SUPT3H: variants seen among roughly 807,000 people sequenced by gnomAD.
The protein encoded by SUPT3H is SPT3 homolog, SAGA and STAGA complex component, also known as transcription initiation protein SPT3 homolog.
In SUPT3H, 44 loss-of-function variants were observed where a neutral mutation model predicts 44.3. The ratio of observed to expected loss-of-function variants is 0.99; its 90% confidence interval spans 0.78 to 1.28. The LOEUF (loss-of-function observed/expected upper bound fraction) is 1.28, where lower values mean the gene tolerates loss of function less well. SUPT3H is among the 50% of genes most tolerant of loss of function. The probability of loss-of-function intolerance (pLI) is 0.00; values close to 1 mark genes in which losing one functional copy is unlikely to be tolerated. For synonymous variants in SUPT3H, 124 were observed against 125.6 expected (o/e 0.99, Z 0.09); for missense variants, 380 against 387.1 (o/e 0.98, Z 0.15).
At chr6:45,348,513 A>AAAAAAAAAAAAG (rs1491561914) in intron 2 of SUPT3H, among the ~76,000 whole-genome samples, 1 of 42,660 alleles carries the variant, frequency 2.3e-5, no homozygotes, top group East Asian at 3.2e-4. Flanking sequence ...CTAAAAATAC[A>AAAAAAAAAAAAG]AAAAAAAAAA....
intron 2 of SUPT3H, among the ~76,000 whole-genome samples, chr6:45,340,117 C>T (rs1789446538): frequency 6.6e-6 from 1 of 152,064 alleles, no homozygotes; most frequent in Non-Finnish European, 1.5e-5. Flanking sequence ...CTTCCTAGTC[C>T]TCAATCAATT....
At chr6:45,353,770 T>C (rs1750385665) in intron 2 of SUPT3H, among the ~76,000 whole-genome samples, 1 of 151,660 alleles carries the variant, frequency 6.6e-6, no homozygotes, top group Non-Finnish European at 1.5e-5. Flanking sequence ...ATATGAGCAA[T>C]GAAAACTCAT....
At chr6:45,323,035 T>A (rs1297329711) in intron 2 of SUPT3H, 2 of 913,120 alleles carry the variant, frequency 2.2e-6, no homozygotes, top group African/African-American at 3.4e-5. Context: ...AGACATACGA[T>A]GATATTCATG....
At chr6:45,354,624 CACACAT>C (rs1352080794) in intron 2 of SUPT3H, among the ~76,000 whole-genome samples, 1 of 94,990 alleles carries the variant, frequency 1.1e-5, no homozygotes, top group Admixed American at 1.1e-4. Context: ...CAAATGCACG[CACACAT>C]ACACACACAC....
chr6:44,972,204 A>G (rs1212928263), intron 6 of SUPT3H, among the ~76,000 whole-genome samples: 2 of 152,172 alleles, frequency 1.3e-5, no homozygotes, highest in Admixed American at 6.5e-5. Context: ...TACTTCCTAG[A>G]TACAATGGTG....
At chr6:45,025,621 C>T (rs186827638) in intron 3 of SUPT3H, among the ~76,000 whole-genome samples, 307 of 152,282 alleles carry the variant, frequency 2.0e-3, no homozygotes, top group African/African-American at 6.6e-3. Context: ...CGGTGGCTCA[C>T]GCCTGTAATC....
intron 2 of SUPT3H, among the ~76,000 whole-genome samples, chr6:45,198,393 T>C (rs1816439698): frequency 6.6e-6 from 1 of 151,372 alleles, no homozygotes; most frequent in Admixed American, 6.6e-5. Context: ...TGGTGGCTTA[T>C]GGAACACACA....
chr6:45,205,165 T>C (rs1249160107), intron 2 of SUPT3H, among the ~76,000 whole-genome samples: 1 of 152,210 alleles, frequency 6.6e-6, no homozygotes, highest in Non-Finnish European at 1.5e-5. Flanking sequence ...CTATTAGATT[T>C]CCTTCTCCTT....
intron 11 of SUPT3H, among the ~76,000 whole-genome samples, chr6:44,818,433 T>A (rs1036106765): frequency 2.0e-5 from 3 of 152,200 alleles, no homozygotes; most frequent in Admixed American, 2.0e-4. Context: ...ACATAAGACA[T>A]ACAGTATAAG....
At chr6:44,884,359 T>C (rs1778772873) in intron 10 of SUPT3H, among the ~76,000 whole-genome samples, 1 of 152,114 alleles carries the variant, frequency 6.6e-6, no homozygotes, top group Non-Finnish European at 1.5e-5. Context: ...AAACAACAGA[T>C]GCTGGAGAGG....
rs189490167 is a variant in SUPT3H at position 45,184,545 on chromosome 6, C to T, written c.102-78539G>A. On this transcript the variant is annotated intron_variant, in intron 2 of 10. Transcript: ENST00000371459. ...CTCTGGTTGCATCAACGTGGAAAGCCCCAGAGCTCCCAGGTCATTCCTCTT... is the reference window on the plus strand; with the variant it reads ...CTCTGGTTGCATCAACGTGGAAAGCTCCAGAGCTCCCAGGTCATTCCTCTT... 4.6e-5 allele frequency among the ~76,000 whole-genome samples: 7 copies of T among 151,954 alleles called. No individual in the cohort carries two copies. In the East Asian group the frequency reaches 1.2e-3, roughly 25 times the overall value.
intron 11 of SUPT3H, among the ~76,000 whole-genome samples, chr6:44,810,734 C>T (rs9369512): frequency 0.41 from 62,791 of 151,628 alleles, 13,321 homozygotes; most frequent in East Asian, 0.69. Flanking sequence ...GGTGAAACTC[C>T]GTCTCCATTA....
At chr6:44,930,068 C>A (rs957556345) in intron 10 of SUPT3H, among the ~76,000 whole-genome samples, 2 of 151,738 alleles carry the variant, frequency 1.3e-5, no homozygotes, top group Non-Finnish European at 2.9e-5. Flanking sequence ...GCCAACATGG[C>A]GAAGTTCTAC....
intron 2 of SUPT3H, among the ~76,000 whole-genome samples, chr6:45,331,104 G>GGTGTGT (rs143223149): frequency 1.2e-3 from 185 of 149,708 alleles, no homozygotes; most frequent in South Asian, 3.0e-3. Flanking sequence ...TACAATGAGT[G>GGTGTGT]GTGTGTGTGT....
At chr6:45,232,825 A>G (rs1254170241) in intron 2 of SUPT3H, among the ~76,000 whole-genome samples, 1 of 152,134 alleles carries the variant, frequency 6.6e-6, no homozygotes, top group Admixed American at 6.5e-5. Flanking sequence ...TGAAGATCCC[A>G]CTGCCAGTGA....
Position 45,025,494 on chromosome 6 carries a change from G to T in SUPT3H, c.187-4862C>A, listed in dbSNP as rs368261606. 4.6e-5 allele frequency among the ~76,000 whole-genome samples: 7 copies of T among 152,324 alleles called. No individual in the cohort carries two copies. The South Asian group carries it at 1.4e-3, about 32-fold the overall frequency. On this transcript the variant is annotated intron_variant, in intron 3 of 10. Coordinates refer to ENST00000371459, the MANE Select transcript of SUPT3H (RefSeq NM_003599.4). ...TTCAATTTAAATGTAACAGAAATGAGTTAAGCTATGTAAAATCGATGGCCT... is the reference window on the plus strand; with the variant it reads ...TTCAATTTAAATGTAACAGAAATGATTTAAGCTATGTAAAATCGATGGCCT...
Position 44,843,797 on chromosome 6 carries a change from G to T in SUPT3H, c.913-13940C>A, listed in dbSNP as rs116736670. ...AATATTGTAAAGATATTTTTCCATAGACTTATCTATAGAGTCGGTGTAATT... is the reference window on the plus strand; with the variant it reads ...AATATTGTAAAGATATTTTTCCATATACTTATCTATAGAGTCGGTGTAATT... On this transcript the variant is annotated intron_variant, in intron 10 of 10. Transcript: ENST00000371459. Among the ~76,000 whole-genome samples, 385 of 152,016 alleles carry T rather than the reference G, an allele frequency of 2.5e-3. 2 individuals are homozygous for T. The highest frequency in any genetic ancestry group is 8.5e-3 in the African/African-American group (351 of 41,458).
chr6:44,866,234 C>A (rs1311232039), intron 10 of SUPT3H, among the ~76,000 whole-genome samples: 2 of 150,160 alleles, frequency 1.3e-5, no homozygotes, highest in African/African-American at 4.9e-5. Context: ...CCTCCAAATT[C>A]ATTACTTCTC....
chr6:45,250,721 TATC>T (rs1305042617), intron 2 of SUPT3H, among the ~76,000 whole-genome samples: 1 of 151,830 alleles, frequency 6.6e-6, no homozygotes, highest in African/African-American at 2.4e-5. Context: ...CACAGCACAG[TATC>T]ACAAAATTTC....
Sources: allele counts gnomAD v4.1 joint callset (sites outside exome capture counted in the v4.1 genomes callset), GRCh38; gene constraint gnomAD v4.1.1; transcripts MANE v1.5; gene names NCBI Gene and HGNC (gene_info 2026-07-23, HGNC 2026-07-21).